The following ADCY2 variants were observed in gnomAD, a reference collection of about 807,000 sequenced individuals.
The protein encoded by ADCY2 is adenylate cyclase 2.
A neutral mutation model predicts 125.2 loss-of-function variants in ADCY2; 31 were observed. That is an observed-to-expected ratio of 0.25 (90% CI 0.19 to 0.33). ADCY2 has a LOEUF of 0.33. Ranked by LOEUF, ADCY2 falls within the 10% of genes least tolerant of loss-of-function variation. The probability of loss-of-function intolerance (pLI) is 1.00; values close to 1 mark genes in which losing one functional copy is unlikely to be tolerated. For synonymous variants in ADCY2, 512 were observed against 548.4 expected, an observed-to-expected ratio of 0.93 and a Z score of 0.93; for missense variants, 904 against 1,418.2, an observed-to-expected ratio of 0.64 and a Z score of 5.82.
chr5:7,754,730 C>CAA lies in ADCY2; in HGVS notation c.1957-2712_1957-2711dup, dbSNP rs113861336. ...AATGGCAAAAAACAAAACAAACAAA[C>CAA]AAAAAAAACTCAGCTACTCAGGAGG... is the stretch of plus-strand genomic sequence containing the variant. On this transcript the variant is annotated intron_variant, in intron 15 of 24. Transcript: ENST00000338316. Among the ~76,000 whole-genome samples, 648 of 151,738 alleles carry CAA rather than the reference C, an allele frequency of 4.3e-3. 9 individuals are homozygous for CAA. Among genetic ancestry groups the CAA allele is most frequent in the African/African-American group, 0.013 (545 of 41,360 alleles).
intron 18 of ADCY2, among the ~76,000 whole-genome samples, chr5:7,779,989 G>A (rs1477590381): frequency 2.0e-5 from 3 of 152,120 alleles, no homozygotes; most frequent in South Asian, 2.1e-4. Flanking sequence ...AGCCAGCCAC[G>A]GGCCAGGAGG....
intron 1 of ADCY2, among the ~76,000 whole-genome samples, chr5:7,413,613 T>A (rs1039179115): frequency 1.3e-5 from 2 of 149,648 alleles, no homozygotes; most frequent in Admixed American, 1.3e-4. Flanking sequence ...TTTTTTTTAA[T>A]AGAAGTGTCT....
chr5:7,583,157 A>G (rs1025640078), intron 3 of ADCY2, among the ~76,000 whole-genome samples: 14 of 152,074 alleles, frequency 9.2e-5, no homozygotes, highest in African/African-American at 3.4e-4. Flanking sequence ...TTAGATCTCT[A>G]CATTTAAAAT....
At chr5:7,644,099 A>T (rs1438433573) in intron 4 of ADCY2, among the ~76,000 whole-genome samples, 1 of 152,128 alleles carries the variant, frequency 6.6e-6, no homozygotes, top group Non-Finnish European at 1.5e-5. Flanking sequence ...TCTCACAAAT[A>T]GTGTCTTCAT....
intron 18 of ADCY2, among the ~76,000 whole-genome samples, chr5:7,783,282 G>A (rs1743974885): frequency 1.3e-5 from 2 of 152,140 alleles, no homozygotes; most frequent in Admixed American, 1.3e-4. Context: ...TTTGGAAAGA[G>A]TTTCCTATGT....
chr5:7,716,349 C>G (rs1218121908), intron 11 of ADCY2, among the ~76,000 whole-genome samples: 1 of 152,144 alleles, frequency 6.6e-6, no homozygotes, highest in East Asian at 1.9e-4. Flanking sequence ...ACTATTTTGT[C>G]AACCAAGCCA....
In ADCY2 at chr5:7,789,674, G is replaced by A; in HGVS notation, c.2502G>A (p.Trp834Ter). The part of the protein sequence containing the change: ...NEYYCRLDFL[W>*]KNKFKKEREE... ...ATTACTGTAGGTTAGACTTCTTATG[G>A]AAGAACAAATTCAAAAAAGAGCGGG... The change falls in exon 20 of 25, where the codon TGG (tryptophan) becomes TGA (stop). Residue 834 changes from tryptophan to a stop codon, truncating the protein, a stop_gained. Coordinates refer to ENST00000338316, the MANE Select transcript of ADCY2 (RefSeq NM_020546.3). LOFTEE classifies it high-confidence loss of function. The A allele has an allele frequency of 6.2e-7, 1 of 1,614,026 alleles. No homozygotes were observed. Among genetic ancestry groups the A allele is most frequent in the Non-Finnish European group, 8.5e-7 (1 of 1,179,984 alleles).
intron 16 of ADCY2, among the ~76,000 whole-genome samples, chr5:7,762,977 A>G (rs1743271576): frequency 8.6e-6 from 1 of 116,044 alleles, no homozygotes; most frequent in Non-Finnish European, 1.7e-5. Context: ...TCATGTCCTC[A>G]TGTATAGCAC....
At chr5:7,668,011 A>G (rs1301184033) in intron 4 of ADCY2, among the ~76,000 whole-genome samples, 1 of 152,212 alleles carries the variant, frequency 6.6e-6, no homozygotes, top group Non-Finnish European at 1.5e-5. Context: ...TGATCCCTCT[A>G]GATTTCAACA....
chr5:7,822,598 T>A (rs994533847), intron 24 of ADCY2, among the ~76,000 whole-genome samples: 1 of 152,234 alleles, frequency 6.6e-6, no homozygotes, highest in Non-Finnish European at 1.5e-5. Context: ...TGCCTTCCAG[T>A]GAGCTCATCA....
rs539068970 is a variant in ADCY2, at chr5:7,536,189, C to G, written c.570+15290C>G. Among the ~76,000 whole-genome samples the G allele has an allele frequency of 2.6e-5, 4 of 152,354 alleles. No individual in the cohort carries two copies. The South Asian group carries it at 8.3e-4, about 32-fold the overall frequency. ...CTCTGAGGCAAAGCTGGGCTTTCTTCTGGCCAATCCTCCAGACTTTCCCTG... is the reference window on the plus strand; with the variant it reads ...CTCTGAGGCAAAGCTGGGCTTTCTTGTGGCCAATCCTCCAGACTTTCCCTG... On this transcript the variant is annotated intron_variant, in intron 3 of 24. Transcript: ENST00000338316.
chr5:7,482,083 A>G (rs1359851105), intron 2 of ADCY2, among the ~76,000 whole-genome samples: 1 of 150,138 alleles, frequency 6.7e-6, no homozygotes, highest in Non-Finnish European at 1.5e-5. Flanking sequence ...TTCCCTCCTG[A>G]CTCAGAAATG....
intron 7 of ADCY2, among the ~76,000 whole-genome samples, chr5:7,698,620 G>A (rs963959662): frequency 6.6e-6 from 1 of 152,022 alleles, no homozygotes; most frequent in African/African-American, 2.4e-5. Context: ...TCCCACTTAT[G>A]AGTGAGAACA....
chr5:7,543,703 G>A (rs1200998061), intron 3 of ADCY2, among the ~76,000 whole-genome samples: 2 of 151,956 alleles, frequency 1.3e-5, no homozygotes, highest in Admixed American at 6.6e-5. Context: ...TCAATAGCAG[G>A]GATAGAGATA....
chr5:7,715,036 A>T (rs1283769086), intron 11 of ADCY2, among the ~76,000 whole-genome samples: 1 of 152,170 alleles, frequency 6.6e-6, no homozygotes, highest in African/African-American at 2.4e-5. Context: ...TGGGAAGATG[A>T]GAGATGCTGG....
chr5:7,689,530 G>A (rs1045605407), intron 4 of ADCY2, among the ~76,000 whole-genome samples: 1 of 152,064 alleles, frequency 6.6e-6, no homozygotes, highest in Non-Finnish European at 1.5e-5. Flanking sequence ...TTCCATGGAG[G>A]GATGAGCGGG....
chr5:7,551,906 T>C (rs545910091), intron 3 of ADCY2, among the ~76,000 whole-genome samples: 2 of 152,348 alleles, frequency 1.3e-5, no homozygotes, highest in African/African-American at 2.4e-5. Context: ...TCTAAACTTA[T>C]GCCCAATATC....
intron 18 of ADCY2, among the ~76,000 whole-genome samples, chr5:7,778,436 G>A (rs1743811387): frequency 6.6e-6 from 1 of 152,212 alleles, no homozygotes; most frequent in Non-Finnish European, 1.5e-5. Context: ...AATTAGTTCT[G>A]TGCTGGAACT....
chr5:7,779,884 C>T (rs953828940), intron 18 of ADCY2, among the ~76,000 whole-genome samples: 8 of 152,178 alleles, frequency 5.3e-5, no homozygotes, highest in African/African-American at 1.9e-4. Flanking sequence ...AGTCATTTGT[C>T]CACTCATTTA....
Sources: gnomAD v4.1 joint callset for allele counts (sites outside exome capture counted in the v4.1 genomes callset) on GRCh38, gnomAD v4.1.1 for gene constraint, MANE v1.5 for transcripts, NCBI Gene and HGNC (gene_info 2026-07-23, HGNC 2026-07-21) for gene names.